Variants in ATP2B2 observed in about 807,000 individuals in gnomAD.
ATP2B2 encodes ATPase plasma membrane Ca2+ transporting 2.
In ATP2B2, 15 loss-of-function variants were observed where a neutral mutation model predicts 120.0. The ratio of observed to expected loss-of-function variants is 0.12; its 90% CI spans 0.08 to 0.19. The LOEUF is 0.19. ATP2B2 is among the 10% of genes least tolerant of loss of function. The pLI is 1.00. For synonymous variants in ATP2B2, 694 were observed against 700.3 expected (o/e 0.99, Z 0.14); for missense variants, 1,045 against 1,719.8 (o/e 0.61, Z 6.94).
At chr3:10,422,440 T>C (rs1394106276) in intron 2 of ATP2B2, among the ~76,000 whole-genome samples, 2 of 152,176 alleles carry the variant, frequency 1.3e-5, no homozygotes, top group African/African-American at 4.8e-5. Context: ...CACATCACGG[T>C]GTTGACGGTT....
chr3:10,586,694 C>T (rs1343276014), intron 2 of ATP2B2, among the ~76,000 whole-genome samples: 7 of 152,176 alleles, frequency 4.6e-5, no homozygotes, highest in Non-Finnish European at 8.8e-5. Flanking sequence ...AGAAACATGC[C>T]ACCAGCCTCT....
intron 1 of ATP2B2, among the ~76,000 whole-genome samples, chr3:10,491,179 G>T (rs2065919578): frequency 6.6e-6 from 1 of 151,694 alleles, no homozygotes; most frequent in African/African-American, 2.4e-5. Context: ...TTCACCTGGA[G>T]CCCGCCTGTG....
At chr3:10,591,669 C>T (rs1161662472) in intron 2 of ATP2B2, among the ~76,000 whole-genome samples, 1 of 152,200 alleles carries the variant, frequency 6.6e-6, no homozygotes, top group African/African-American at 2.4e-5. Context: ...TCCTATAATG[C>T]TTGCTTCAAA....
chr3:10,518,527 G>A (rs1338956572), intron 3 of ATP2B2, among the ~76,000 whole-genome samples: 1 of 152,196 alleles, frequency 6.6e-6, no homozygotes, highest in African/African-American at 2.4e-5. Flanking sequence ...AGCTGAGAGT[G>A]CCACTCTTGC....
intron 1 of ATP2B2, among the ~76,000 whole-genome samples, chr3:10,500,318 C>G (rs909003684): frequency 1.3e-5 from 2 of 151,996 alleles, no homozygotes; most frequent in Admixed American, 1.3e-4. Context: ...AGAGATAAGA[C>G]TGTGTGCAGG....
intron 2 of ATP2B2, among the ~76,000 whole-genome samples, chr3:10,548,716 C>T (rs2067603617): frequency 6.6e-6 from 1 of 152,212 alleles, no homozygotes; most frequent in Non-Finnish European, 1.5e-5. Context: ...CACAAATAAA[C>T]TACTTGCACT....
chr3:10,423,093 G>C (rs922091846), intron 2 of ATP2B2, among the ~76,000 whole-genome samples: 1 of 152,110 alleles, frequency 6.6e-6, no homozygotes, highest in Admixed American at 6.5e-5. Context: ...CCTGAGAAAG[G>C]TTTACTGGAT....
intron 5 of ATP2B2, among the ~76,000 whole-genome samples, chr3:10,397,294 A>G (rs1280766339): frequency 1.3e-5 from 2 of 152,120 alleles, no homozygotes; most frequent in East Asian, 1.9e-4. Context: ...ATGACACTAC[A>G]TAGTAGTGTC....
At chr3:10,518,272 T>G (rs898852037) in intron 3 of ATP2B2, among the ~76,000 whole-genome samples, 1 of 152,182 alleles carries the variant, frequency 6.6e-6, no homozygotes, top group Admixed American at 6.5e-5. Context: ...GCCAGTTGTA[T>G]TTTTCCCCTA....
intron 12 of ATP2B2, 52 bp from the exon 13 acceptor site, chr3:10,360,175 C>A: frequency 6.5e-7 from 1 of 1,531,276 alleles, no homozygotes. Flanking sequence ...GTGTCGGGAG[C>A]CTCTGCCCTG....
At chr3:10,508,462 G>A (rs534684790), upstream of ATP2B2, among the ~76,000 whole-genome samples, 1 of 152,340 alleles carries the variant, frequency 6.6e-6, no homozygotes, top group Non-Finnish European at 1.5e-5. Context: ...CCAGGTCTCA[G>A]GTCCCAGCAT....
intron 2 of ATP2B2, among the ~76,000 whole-genome samples, chr3:10,580,236 G>C (rs1048665895): frequency 7.2e-5 from 11 of 152,244 alleles, no homozygotes; most frequent in South Asian, 2.1e-4. Context: ...ATATCAATAG[G>C]AAACGCGGAA....
At chr3:10,452,648 C>T (rs1404527689) in intron 1 of ATP2B2, among the ~76,000 whole-genome samples, 1 of 145,666 alleles carries the variant, frequency 6.9e-6, no homozygotes, top group East Asian at 2.0e-4. Context: ...CAGGCCAATG[C>T]AGTGGCTGGG....
At chr3:10,351,522 AC>A (rs947124922) in intron 14 of ATP2B2, among the ~76,000 whole-genome samples, 2 of 152,038 alleles carry the variant, frequency 1.3e-5, no homozygotes, top group African/African-American at 4.8e-5. Flanking sequence ...CTCCCTGCAC[AC>A]CCCACAGTGA....
intron 2 of ATP2B2, among the ~76,000 whole-genome samples, chr3:10,606,918 G>C (rs898705028): frequency 0.38 from 20,847 of 54,310 alleles, 2,430 homozygotes; most frequent in East Asian, 0.49. Context: ...CACACAGAGA[G>C]AGAGAGAGAG....
intron 2 of ATP2B2, among the ~76,000 whole-genome samples, chr3:10,599,001 G>C (rs1033727550): frequency 6.6e-6 from 1 of 152,216 alleles, no homozygotes; most frequent in Non-Finnish European, 1.5e-5. Context: ...TTACTGCCCC[G>C]GCCCTCTGCC....
intron 1 of ATP2B2, among the ~76,000 whole-genome samples, chr3:10,679,392 C>A (rs748334028): frequency 1.3e-5 from 2 of 152,130 alleles, no homozygotes; most frequent in Non-Finnish European, 2.9e-5. Context: ...ATCCTCTTTC[C>A]CTTACAAATG....
chr3:10,479,040 G>C (rs918726894), intron 1 of ATP2B2, among the ~76,000 whole-genome samples: 3 of 152,060 alleles, frequency 2.0e-5, no homozygotes, highest in African/African-American at 4.8e-5. Context: ...CTGATTGTAA[G>C]TTTCCTGAGG....
At chr3:10,337,812 G>A (rs1014892142) in intron 22 of ATP2B2, among the ~76,000 whole-genome samples, 3 of 152,018 alleles carry the variant, frequency 2.0e-5, no homozygotes, top group South Asian at 2.1e-4. Context: ...AGCCTCACAC[G>A]GCCCCTGTGG....
Sources: allele counts gnomAD v4.1 joint callset (sites outside exome capture counted in the v4.1 genomes callset), GRCh38; gene constraint gnomAD v4.1.1; transcripts MANE v1.5; gene names NCBI Gene and HGNC (gene_info 2026-07-23, HGNC 2026-07-21).